The following MARK1 variants were observed in gnomAD, a reference collection of about 807,000 sequenced individuals.
The protein encoded by MARK1 is serine/threonine-protein kinase MARK1.
Under a neutral mutation model 96.3 loss-of-function variants are expected in MARK1, and 40 were observed. That is an observed-to-expected ratio of 0.42 (90% CI 0.32 to 0.54). The LOEUF is 0.54. MARK1 is among the 20% of genes least tolerant of loss of function. The pLI is 0.16. For missense variants in MARK1, 719 were observed against 984.6 expected, an observed-to-expected ratio of 0.73 and a Z score of 3.61; for synonymous variants, 317 against 341.2, an observed-to-expected ratio of 0.93 and a Z score of 0.78.
At chr1:220,571,328 A>G (rs1490333109) in intron 1 of MARK1, among the ~76,000 whole-genome samples, 1 of 152,214 alleles carries the variant, frequency 6.6e-6, no homozygotes, top group Non-Finnish European at 1.5e-5. Flanking sequence ...AAAATAAGGT[A>G]GTTTCATTGT....
At chr1:220,564,773 A>G (rs1662923913) in intron 1 of MARK1, among the ~76,000 whole-genome samples, 3 of 152,182 alleles carry the variant, frequency 2.0e-5, no homozygotes, top group Admixed American at 1.3e-4. Flanking sequence ...TAGGTTGTCA[A>G]TTAGTATTGG....
chr1:220,579,691 A>T, intron 2 of MARK1, 134 bp downstream of exon 2: 6 of 664,348 alleles, frequency 9.0e-6, no homozygotes, highest in Non-Finnish European at 1.3e-5. Flanking sequence ...TGAATGGAAC[A>T]TTAGTAGGCA....
chr1:220,659,165 GGTT>G (rs2103072994), intron 17 of MARK1, among the ~76,000 whole-genome samples: 1 of 152,142 alleles, frequency 6.6e-6, no homozygotes, highest in African/African-American at 2.4e-5. Context: ...CCTTTTGTTT[GGTT>G]GTTGTTGGGT....
chr1:220,569,094 T>G (rs1468718826), intron 1 of MARK1, among the ~76,000 whole-genome samples: 4 of 152,190 alleles, frequency 2.6e-5, no homozygotes, highest in African/African-American at 4.8e-5. Context: ...TGTAATCTGA[T>G]AGATGAAAAA....
chr1:220,656,317 G>T (rs919517166), intron 16 of MARK1, among the ~76,000 whole-genome samples: 1 of 152,192 alleles, frequency 6.6e-6, no homozygotes, highest in Non-Finnish European at 1.5e-5. Flanking sequence ...CAGGGTATGG[G>T]TCAATTGCTA....
At chr1:220,639,537 T>C (rs1468572271) in intron 13 of MARK1, among the ~76,000 whole-genome samples, 1 of 152,198 alleles carries the variant, frequency 6.6e-6, no homozygotes, top group Non-Finnish European at 1.5e-5. Flanking sequence ...CACATCCTTA[T>C]ACATTTATGT....
intron 1 of MARK1, among the ~76,000 whole-genome samples, chr1:220,575,289 C>T (rs1201018274): frequency 6.6e-6 from 1 of 152,190 alleles, no homozygotes; most frequent in African/African-American, 2.4e-5. Context: ...GAAAGAATGA[C>T]AGGATTGGAA....
At chr1:220,561,972 A>G (rs1662698309) in intron 1 of MARK1, among the ~76,000 whole-genome samples, 3 of 152,154 alleles carry the variant, frequency 2.0e-5, no homozygotes, top group Admixed American at 1.3e-4. Context: ...TTTCAGAGGG[A>G]TGATCCTTTT....
intron 6 of MARK1, among the ~76,000 whole-genome samples, chr1:220,611,059 C>T (rs1341685363): frequency 2.0e-5 from 3 of 152,188 alleles, no homozygotes; most frequent in Non-Finnish European, 4.4e-5. Context: ...GCAGTCTGTC[C>T]ATTTTCAGAG....
intron 1 of MARK1, among the ~76,000 whole-genome samples, chr1:220,570,940 T>A (rs1448772724): frequency 6.6e-6 from 1 of 152,208 alleles, no homozygotes; most frequent in Non-Finnish European, 1.5e-5. Context: ...GGCAATTTAT[T>A]TCAATAGCTT....
chr1:220,538,841 G>C (rs1352410900), intron 1 of MARK1, among the ~76,000 whole-genome samples: 5 of 150,842 alleles, frequency 3.3e-5, no homozygotes, highest in African/African-American at 9.7e-5. Context: ...TTGTGAATGG[G>C]AGTTCACTCA....
rs1382997966 is a variant in MARK1 at position 220,664,088 on chromosome 1, A to G, written c.*1922A>G. The G allele has an allele frequency of 1.3e-5, 2 of 152,340 alleles. No individual in the cohort carries two copies. Among genetic ancestry groups the G allele is most frequent in the Non-Finnish European group, 2.9e-5 (2 of 68,024 alleles). The allele number at this position is 152,340 out of a possible 1,614,324, so 9.4% of individuals were successfully genotyped here. On this transcript the variant is annotated 3_prime_UTR_variant, in exon 18 of 18. Coordinates refer to ENST00000366917, the MANE Select transcript of MARK1 (RefSeq NM_018650.5). Reference sequence around the variant, plus strand: ...CTTGTCATTATGACAAGAAAGTTTAATCTTTTTATAGGAATTCCTGTCACT... The same window carrying G: ...CTTGTCATTATGACAAGAAAGTTTAGTCTTTTTATAGGAATTCCTGTCACT...
intron 6 of MARK1, among the ~76,000 whole-genome samples, chr1:220,610,347 T>C (rs1054841998): frequency 3.9e-5 from 6 of 152,224 alleles, no homozygotes; most frequent in Non-Finnish European, 7.3e-5. Flanking sequence ...GAATCGGCTA[T>C]TGAAGCTTGT....
intron 13 of MARK1, among the ~76,000 whole-genome samples, chr1:220,645,754 G>A (rs1215648636): frequency 2.0e-5 from 3 of 152,234 alleles, no homozygotes; most frequent in Admixed American, 1.3e-4. Context: ...TTCAACATAC[G>A]TGAATCAATA....
At chr1:220,533,095 T>G in intron 1 of MARK1, among the ~76,000 whole-genome samples, 1 of 152,186 alleles carries the variant, frequency 6.6e-6, no homozygotes, top group East Asian at 1.9e-4. Flanking sequence ...GCCGTCCCTA[T>G]CCCTACTTCT....
chr1:220,531,962 T>C (rs1255582763), intron 1 of MARK1, among the ~76,000 whole-genome samples: 1 of 152,144 alleles, frequency 6.6e-6, no homozygotes, highest in Non-Finnish European at 1.5e-5. Flanking sequence ...TGGATATAGA[T>C]AATATATTAT....
chr1:220,566,985 A>G (rs926462178), intron 1 of MARK1, among the ~76,000 whole-genome samples: 1 of 152,086 alleles, frequency 6.6e-6, no homozygotes, highest in Non-Finnish European at 1.5e-5. Flanking sequence ...GAAAATTTTA[A>G]AAGTTCAAAA....
chr1:220,627,439 G>A, intron 9 of MARK1: 1 of 474,754 alleles, frequency 2.1e-6, no homozygotes, highest in Non-Finnish European at 4.4e-6. Context: ...AGGAGGTCAG[G>A]TTGGCCTGAG....
chr1:220,577,447 G>A (rs926841686), intron 1 of MARK1, among the ~76,000 whole-genome samples: 1 of 152,212 alleles, frequency 6.6e-6, no homozygotes, highest in African/African-American at 2.4e-5. Flanking sequence ...GTCTCCAAGA[G>A]CCAGTGAATA....
Sources: allele counts gnomAD v4.1 joint callset (sites outside exome capture counted in the v4.1 genomes callset), GRCh38; gene constraint gnomAD v4.1.1; transcripts MANE v1.5; gene names NCBI Gene and HGNC (gene_info 2026-07-23, HGNC 2026-07-21).